AKT1: variants seen among roughly 807,000 people sequenced by gnomAD.
The protein encoded by AKT1 is RAC-alpha serine/threonine-protein kinase.
In AKT1, 21 loss-of-function variants were observed where a neutral mutation model predicts 63.1. The observed-to-expected ratio is 0.33, with a 90% CI of 0.24 to 0.48. The LOEUF (loss-of-function observed/expected upper bound fraction) is 0.48. Ranked by LOEUF, AKT1 falls within the 20% of genes least tolerant of loss-of-function variation. The probability of loss-of-function intolerance (pLI) is 0.99; values close to 1 mark genes in which losing one functional copy is unlikely to be tolerated. For missense variants in AKT1, 382 were observed against 666.0 expected (o/e 0.57, Z 4.69); for synonymous variants, 257 against 253.1 (o/e 1.02, Z -0.15).
intron 3 of AKT1, among the ~76,000 whole-genome samples, chr14:104,789,259 C>T (rs1304715824): frequency 6.6e-6 from 1 of 152,246 alleles, no homozygotes; most frequent in Non-Finnish European, 1.5e-5. Flanking sequence ...CCACCCGCCT[C>T]GGCCCTCTCC....
At chr14:104,776,823 C>T (rs2140931807) in intron 4 of AKT1, 53 bp from the exon 5 acceptor site, 1 of 1,511,002 alleles carries the variant, frequency 6.6e-7, no homozygotes, top group Non-Finnish European at 9.1e-7. Flanking sequence ...CCTCCCAGGG[C>T]CCTCACCACA....
chr14:104,790,161 C>T (rs1334156711), intron 3 of AKT1, among the ~76,000 whole-genome samples: 1 of 152,218 alleles, frequency 6.6e-6, no homozygotes, highest in African/African-American at 2.4e-5. Flanking sequence ...GGACTGTCAC[C>T]TGGGGATTCA....
At chr14:104,772,484 T>C (rs1892450215) in intron 12 of AKT1, 32 bp from the exon 13 acceptor site, 1 of 1,606,786 alleles carries the variant, frequency 6.2e-7, no homozygotes, top group African/African-American at 1.3e-5. Context: ...ACAGTGTCGG[T>C]ACCGCCACCT....
chr14:104,794,757 G>A (rs1893802637), intron 1 of AKT1, among the ~76,000 whole-genome samples: 1 of 152,228 alleles, frequency 6.6e-6, no homozygotes, highest in African/African-American at 2.4e-5. Context: ...ATGTGGGGCG[G>A]CCTCTGGCTG....
intron 1 of AKT1, chr14:104,793,787 G>A (rs573706022): frequency 1.3e-5 from 2 of 152,724 alleles, no homozygotes; most frequent in Non-Finnish European, 2.9e-5. Context: ...ACCAACTACA[G>A]GCATCCCCAG....
At position 104,770,269 on chromosome 14, in the gene AKT1, T is replaced by C; in HGVS notation, c.*72A>G. The C allele has an allele frequency of 6.8e-7, 1 of 1,479,870 alleles. No individual in the cohort carries two copies. The highest frequency in any genetic ancestry group is 9.2e-7 in the Non-Finnish European group (1 of 1,089,896). The allele number at this position is 1,479,870 out of a possible 1,614,324, so 91.7% of individuals were successfully genotyped here. On this transcript the variant is annotated 3_prime_UTR_variant, in exon 15 of 15. Transcript: ENST00000649815. ...AATGCACCCGAGAAATAAAAACCAT[T>C]AAATACAGATCATGGCACGAGGCCG...
At position 104,785,471 on chromosome 14, in the gene AKT1, C is replaced by A. The variant is rs1174602601; in HGVS notation, c.47-5255G>T. 2.0e-5 allele frequency among the ~76,000 whole-genome samples: 3 copies of A among 152,200 alleles called. No homozygotes were observed. In the East Asian group the frequency reaches 5.8e-4, roughly 29 times the overall value. ...TGAGGGGGCACAAGTGGCCAGTCTG[C>A]ACAAGGAGAGGTGTCTGTTCCCGCC... is the stretch of plus-strand genomic sequence containing the variant. On this transcript the variant is annotated intron_variant, in intron 3 of 14. Coordinates refer to ENST00000649815, the MANE Select transcript of AKT1 (RefSeq NM_001382430.1).
rs371534192 is a variant in AKT1 at position 104,792,638 on chromosome 14, G to C, written c.6C>G (p.Ser2Arg). The C allele has an allele frequency of 6.2e-7, 1 of 1,610,824 alleles. No homozygotes were observed. The highest frequency in any genetic ancestry group is 8.5e-7 in the Non-Finnish European group (1 of 1,179,862). MSDVAIVKEGWL... is the reference protein window; with the variant it reads MRDVAIVKEGWL... ...AACCCTCCTTCACAATAGCCACGTC[G>C]CTCATGGTGCCCGAGGCTCCCGCGA... The change falls in exon 3 of 15, where the codon AGC becomes AGG. Residue 2 changes from serine (S) to arginine (R), a missense_variant. Ser to Arg is a moderately radical substitution (Grantham distance 110). Around this residue, in one of 3 missense-constraint regions of AKT1, gnomAD observed 226 missense variants for 366.4 expected, o/e 0.62. Coordinates refer to ENST00000649815, the MANE Select transcript of AKT1 (RefSeq NM_001382430.1).
At chr14:104,785,598 T>A (rs1429839587) in intron 3 of AKT1, among the ~76,000 whole-genome samples, 1 of 152,096 alleles carries the variant, frequency 6.6e-6, no homozygotes, top group Non-Finnish European at 1.5e-5. Context: ...GCAGGGCTCA[T>A]CATGCCCATC....
rs1438024792 is a variant in AKT1, at chr14:104,772,986, T to C, written c.1064A>G (p.Glu355Gly). 1 of 1,614,138 alleles carries C rather than the reference T, an allele frequency of 6.2e-7. No individual in the cohort carries two copies. Among genetic ancestry groups the C allele is most frequent in the East Asian group, 2.2e-5 (1 of 44,884 alleles). Reference protein sequence around the residue: ...GRLPFYNQDHEKLFELILMEE... With the variant: ...GRLPFYNQDHGKLFELILMEE... Reference sequence around the variant, plus strand: ...CATGAGGATGAGCTCAAAAAGCTTCTCATGGTCCTGGTTGTAGAAGGGCAG... The same window carrying C: ...CATGAGGATGAGCTCAAAAAGCTTCCCATGGTCCTGGTTGTAGAAGGGCAG... Residue 355 changes from glutamate (E) to glycine (G), a missense_variant, in exon 12 of 15, where the codon GAG becomes GGG. Coordinates refer to ENST00000649815, the MANE Select transcript of AKT1 (RefSeq NM_001382430.1).
rs761112590 is a variant in AKT1, at chr14:104,770,302, A to AT, written c.*38dup. 40 of 1,586,464 alleles carry AT rather than the reference A, an allele frequency of 2.5e-5. No individual in the cohort carries two copies. Among genetic ancestry groups the AT allele is most frequent in the Non-Finnish European group, 3.3e-5 (39 of 1,168,576 alleles). On this transcript the variant is annotated 3_prime_UTR_variant, in exon 15 of 15. Coordinates refer to ENST00000649815, the MANE Select transcript of AKT1 (RefSeq NM_001382430.1). ...GATCATGGCACGAGGCCGCCTCTCC[A>AT]TCCCTCCAAGCTATCGTCCAGCGCA...
At position 104,786,598 on chromosome 14, in the gene AKT1, G is replaced by A. The variant is rs371519000; in HGVS notation, c.46+6000C>T. On this transcript the variant is annotated intron_variant, in intron 3 of 14. Coordinates refer to ENST00000649815, the MANE Select transcript of AKT1 (RefSeq NM_001382430.1). Reference sequence around the variant, plus strand: ...ACTGGAACCAGGCAGTAGGGACCTCGTCCTCCACACCGACCATGGGAAGCA... The same window carrying A: ...ACTGGAACCAGGCAGTAGGGACCTCATCCTCCACACCGACCATGGGAAGCA... Among the ~76,000 whole-genome samples the A allele has an allele frequency of 3.0e-4, 45 of 152,274 alleles. No individual in the cohort carries two copies. In the South Asian group the frequency reaches 4.1e-3, roughly 14 times the overall value.
intron 3 of AKT1, among the ~76,000 whole-genome samples, chr14:104,791,826 C>T (rs1778323667): frequency 6.6e-6 from 1 of 152,238 alleles, no homozygotes; most frequent in African/African-American, 2.4e-5. Flanking sequence ...GGACCGATTC[C>T]GCCTGGGGCA....
intron 3 of AKT1, among the ~76,000 whole-genome samples, chr14:104,780,501 A>T (rs1014493768): frequency 8.5e-5 from 13 of 152,134 alleles, no homozygotes; most frequent in African/African-American, 3.1e-4. Context: ...AGTACCATGG[A>T]CAGGAGGCTG....
intron 8 of AKT1, 36 bp downstream of exon 8, chr14:104,774,902 C>CTT: frequency 6.3e-7 from 1 of 1,595,652 alleles, no homozygotes; most frequent in African/African-American, 1.3e-5. Flanking sequence ...CGCTACCTGG[C>CTT]CCCAGCCCTT....
At chr14:104,781,579 C>T (rs1257168754) in intron 3 of AKT1, among the ~76,000 whole-genome samples, 3 of 151,722 alleles carry the variant, frequency 2.0e-5, no homozygotes, top group African/African-American at 7.3e-5. Flanking sequence ...CACATGGCCA[C>T]CCCCCGGCCA....
chr14:104,777,829 G>A (rs1445261519), intron 4 of AKT1: 10 of 530,204 alleles, frequency 1.9e-5, no homozygotes, highest in Middle Eastern at 9.2e-4. Flanking sequence ...GAGGGGGCTC[G>A]GGACCAGCCT....
intron 5 of AKT1, 65 bp from the exon 6 acceptor site, chr14:104,775,864 C>T (rs1195919539): frequency 1.3e-6 from 2 of 1,552,330 alleles, no homozygotes; most frequent in East Asian, 2.3e-5. Flanking sequence ...ACGTCTTTCA[C>T]CCACCCGCCA....
At chr14:104,791,155 G>C (rs1893607337) in intron 3 of AKT1, among the ~76,000 whole-genome samples, 1 of 151,998 alleles carries the variant, frequency 6.6e-6, no homozygotes, top group Non-Finnish European at 1.5e-5. Context: ...GTCAGCCCGA[G>C]ATCCAACAGT....
Sources: gnomAD v4.1 joint callset for allele counts (sites outside exome capture counted in the v4.1 genomes callset) on GRCh38, gnomAD v4.1.1 for gene constraint, gnomAD v4.1.1 regional missense constraint, MANE v1.5 for transcripts, NCBI Gene and HGNC (gene_info 2026-07-23, HGNC 2026-07-21) for gene names.